Variants in PRR11 observed in about 807,000 individuals in gnomAD.
PRR11 encodes proline-rich protein 11.
Under a neutral mutation model 45.6 loss-of-function variants are expected in PRR11, and 30 were observed. The ratio of observed to expected loss-of-function variants is 0.66; its 90% CI spans 0.49 to 0.89. The LOEUF is 0.89. Ranked by LOEUF, PRR11 falls within the 40% of genes least tolerant of loss-of-function variation. The pLI, the probability that PRR11 is intolerant of heterozygous loss-of-function variation, is 0.00. For missense variants in PRR11, 373 were observed against 424.8 expected (o/e 0.88, Z 1.07); for synonymous variants, 128 against 153.5 (o/e 0.83, Z 1.23).
intron 7 of PRR11, 83 bp downstream of exon 7, chr17:59,195,526 A>G (rs76496395): frequency 1.1e-6 from 1 of 892,274 alleles, no homozygotes; most frequent in Non-Finnish European, 1.7e-6. Context: ...AAGGAAAAAA[A>G]GATTTTTTGT....
intron 1 of PRR11, among the ~76,000 whole-genome samples, chr17:59,164,577 G>A (rs9892425): frequency 0.43 from 64,843 of 151,724 alleles, 15,983 homozygotes; most frequent in African/African-American, 0.69. Flanking sequence ...AGGAAATTTC[G>A]GATTCTAGGG....
intron 9 of PRR11, among the ~76,000 whole-genome samples, chr17:59,199,779 G>A (rs1371887241): frequency 6.6e-6 from 1 of 152,082 alleles, no homozygotes; most frequent in Non-Finnish European, 1.5e-5. Context: ...GCTTTTTGTG[G>A]GACAATATAA....
At chr17:59,184,443 CAA>C (rs2046803588) in intron 2 of PRR11, among the ~76,000 whole-genome samples, 1 of 152,142 alleles carries the variant, frequency 6.6e-6, no homozygotes, top group Non-Finnish European at 1.5e-5. Flanking sequence ...GCCTGGGCAA[CAA>C]GAGCAAAACT....
intron 2 of PRR11, chr17:59,177,168 C>A: frequency 1.8e-6 from 1 of 550,338 alleles, no homozygotes; most frequent in Admixed American, 1.9e-5. Context: ...AAACCACTCA[C>A]AGAGCCAGGA....
intron 2 of PRR11, among the ~76,000 whole-genome samples, chr17:59,184,297 A>G (rs1423596527): frequency 6.6e-6 from 1 of 152,110 alleles, no homozygotes; most frequent in African/African-American, 2.4e-5. Context: ...CCCCGTCTCT[A>G]CTAAAAATAC....
rs1342107630 is a variant in PRR11, at chr17:59,177,393, G to A, written c.128+7513G>A. ...AGTGTTGGGGTGACTGTGCTCATGT[G>A]GAAATTGCGGGGTGGTGGGGTATTT... On this transcript the variant is annotated intron_variant, in intron 2 of 9. Transcript: ENST00000262293. The A allele has an allele frequency of 1.4e-5, 7 of 489,318 alleles. No individual in the cohort carries two copies. In the East Asian group the frequency reaches 2.7e-4, roughly 19 times the overall value. 30.3% of individuals were successfully genotyped at this position (489,318 alleles called of 1,614,324 possible).
intron 2 of PRR11, chr17:59,177,354 A>G: frequency 1.9e-6 from 1 of 535,234 alleles, no homozygotes; most frequent in Non-Finnish European, 3.8e-6. Flanking sequence ...TTTGCCCATC[A>G]GAGAAGGGAC....
At chr17:59,193,377 C>A in intron 4 of PRR11, 115 bp from the exon 5 acceptor site, 1 of 1,264,248 alleles carries the variant, frequency 7.9e-7, no homozygotes, top group Admixed American at 2.2e-5. Flanking sequence ...TATCAGGAAG[C>A]ACATGGTACG....
chr17:59,179,896 G>A (rs1360637191), intron 2 of PRR11: 1 of 1,334,158 alleles, frequency 7.5e-7, no homozygotes, highest in Non-Finnish European at 1.1e-6. Flanking sequence ...AAAGAAACCA[G>A]GCCACTGTAT....
intron 1 of PRR11, among the ~76,000 whole-genome samples, chr17:59,163,866 A>C (rs1599690365): frequency 6.6e-6 from 1 of 152,186 alleles, no homozygotes; most frequent in Non-Finnish European, 1.5e-5. Flanking sequence ...GGAGTTCAAG[A>C]CCAGCCTGGC....
At chr17:59,195,516 A>C in intron 7 of PRR11, 73 bp downstream of exon 7, 1 of 960,866 alleles carries the variant, frequency 1.0e-6, no homozygotes, top group Non-Finnish European at 1.6e-6. Context: ...GCCTAAAGAA[A>C]AGGAAAAAAA....
chr17:59,181,554 T>C, intron 2 of PRR11: 6 of 1,239,724 alleles, frequency 4.8e-6, no homozygotes, highest in Non-Finnish European at 6.9e-6. Flanking sequence ...GGAGCACGAA[T>C]GACACTAGCC....
intron 4 of PRR11, among the ~76,000 whole-genome samples, chr17:59,193,114 T>C (rs939565050): frequency 9.2e-5 from 14 of 152,210 alleles, no homozygotes; most frequent in Non-Finnish European, 2.9e-5. Context: ...TCTCACTATG[T>C]TGTCCAGGCT....
chr17:59,188,905 A>G (rs895254083), intron 4 of PRR11, among the ~76,000 whole-genome samples: 1 of 151,586 alleles, frequency 6.6e-6, no homozygotes, highest in African/African-American at 2.4e-5. Context: ...GCGCCACAGC[A>G]CTCCAGCCTG....
intron 2 of PRR11, among the ~76,000 whole-genome samples, chr17:59,179,342 G>C (rs542776287): frequency 6.6e-6 from 1 of 152,260 alleles, no homozygotes; most frequent in South Asian, 2.1e-4. Context: ...TGCCATCATA[G>C]CTCACTGCAG....
At chr17:59,189,349 T>C (rs556893557) in intron 4 of PRR11, among the ~76,000 whole-genome samples, 6 of 152,080 alleles carry the variant, frequency 3.9e-5, no homozygotes, top group Non-Finnish European at 8.8e-5. Context: ...TTTTTGTTCG[T>C]TTGAGACAAA....
chr17:59,162,392 A>G (rs2046657950), intron 1 of PRR11, among the ~76,000 whole-genome samples: 1 of 152,180 alleles, frequency 6.6e-6, no homozygotes, highest in Non-Finnish European at 1.5e-5. Flanking sequence ...AGCCAACAGG[A>G]AAGGACTAGA....
At position 59,185,050 on chromosome 17, in the gene PRR11, A is replaced by T; in HGVS notation, c.129-4A>T. 1 of 1,611,872 alleles carries T rather than the reference A, an allele frequency of 6.2e-7. No individual in the cohort carries two copies. The highest frequency in any genetic ancestry group is 8.5e-7 in the Non-Finnish European group (1 of 1,178,748). On this transcript the variant is annotated splice_polypyrimidine_tract_variant and splice_region_variant and intron_variant, in intron 2 of 9. Transcript: ENST00000262293. ...TTATTTGTTTCATTTTGTTTTTCCTACAGAGTCGGTATTTCTTCAATAGAT... is the reference window on the plus strand; with the variant it reads ...TTATTTGTTTCATTTTGTTTTTCCTTCAGAGTCGGTATTTCTTCAATAGAT...
rs1240913910 is a variant in PRR11, at chr17:59,185,500, A to T, written c.340A>T (p.Ser114Cys). The change falls in exon 4 of 10, where the codon AGT becomes TGT. Residue 114 changes from serine (S) to cysteine (C), a missense_variant. Coordinates refer to ENST00000262293, the MANE Select transcript of PRR11 (RefSeq NM_018304.4). Reference protein sequence around the residue: ...PSRICHRELYSVKQQFCILES... With the variant: ...PSRICHRELYCVKQQFCILES... The stretch of plus-strand genomic sequence containing the variant: ...TCGTATCTGCCACCGAGAACTTTAC[A>T]GTGTAAAACAACAGTTTTGCATTTT... 6.2e-7 allele frequency: 1 copy of T among 1,612,764 alleles called. No individual in the cohort carries two copies. The highest frequency in any genetic ancestry group is 1.3e-5 in the African/African-American group (1 of 74,700).
Sources: allele counts gnomAD v4.1 joint callset (sites outside exome capture counted in the v4.1 genomes callset), GRCh38; gene constraint gnomAD v4.1.1; transcripts MANE v1.5; gene names NCBI Gene and HGNC (gene_info 2026-07-23, HGNC 2026-07-21).